The following FMNL2 variants were observed in gnomAD, a reference collection of about 807,000 sequenced individuals.
FMNL2 encodes formin like 2, also known as formin-like protein 2.
A neutral mutation model predicts 130.2 loss-of-function variants in FMNL2; 51 were observed. The ratio of observed to expected loss-of-function variants is 0.39; its 90% CI spans 0.31 to 0.49. FMNL2 has a LOEUF of 0.49. Ranked by LOEUF, FMNL2 falls within the 20% of genes least tolerant of loss-of-function variation. FMNL2 has a pLI of 0.85. For missense variants in FMNL2, 977 were observed against 1,316.2 expected (o/e 0.74, Z 3.99); for synonymous variants, 465 against 467.1 (o/e 1.00, Z 0.06).
At position 152,542,761 on chromosome 2, in the gene FMNL2, C is replaced by G. The variant is rs1376882481; in HGVS notation, c.224C>G (p.Pro75Arg). 2 of 1,613,868 alleles carry G rather than the reference C, an allele frequency of 1.2e-6. No individual in the cohort carries two copies. Among genetic ancestry groups the G allele is most frequent in the African/African-American group, 2.7e-5 (2 of 74,896 alleles). Residue 75 changes from proline to arginine, a missense_variant, in exon 3 of 26, where the codon CCT (proline) becomes CGT (arginine). Physicochemically the swap from Pro to Arg is moderately radical, Grantham distance 103. Around this residue, in one of 4 missense-constraint regions of FMNL2, gnomAD observed 117 missense variants for 134.9 expected, o/e 0.87. Coordinates refer to ENST00000288670, the MANE Select transcript of FMNL2 (RefSeq NM_052905.4). ...CAGGAACGATTCCAGGTGAAGAATCCTCCCCATACATACATTCAAAAGCTC... is the reference window on the plus strand; with the variant it reads ...CAGGAACGATTCCAGGTGAAGAATCGTCCCCATACATACATTCAAAAGCTC... Reference protein sequence around the residue: ...CDQERFQVKNPPHTYIQKLKG... With the variant: ...CDQERFQVKNRPHTYIQKLKG...
chr2:152,537,285 G>A (rs933837986), intron 2 of FMNL2, among the ~76,000 whole-genome samples: 17 of 152,210 alleles, frequency 1.1e-4, no homozygotes, highest in Non-Finnish European at 2.1e-4. Flanking sequence ...GGTTGCAGTA[G>A]ACTTGGTCAT....
intron 12 of FMNL2, among the ~76,000 whole-genome samples, chr2:152,615,613 T>A (rs1290844001): frequency 6.6e-6 from 1 of 152,174 alleles, no homozygotes; most frequent in Non-Finnish European, 1.5e-5. Context: ...CATAGACTGA[T>A]TTGAATATGA....
chr2:152,404,841 T>C (rs572486448), intron 1 of FMNL2, among the ~76,000 whole-genome samples: 84 of 152,288 alleles, frequency 5.5e-4, no homozygotes, highest in Non-Finnish European at 9.0e-4. Flanking sequence ...TTTTCTCCCA[T>C]GTTGAAATAA....
At chr2:152,480,711 A>G (rs1690470593) in intron 1 of FMNL2, among the ~76,000 whole-genome samples, 1 of 151,476 alleles carries the variant, frequency 6.6e-6, no homozygotes, top group Non-Finnish European at 1.5e-5. Flanking sequence ...AACTTTGGGG[A>G]TAATGCCCAT....
At chr2:152,440,416 T>G (rs550131221) in intron 1 of FMNL2, among the ~76,000 whole-genome samples, 1 of 152,372 alleles carries the variant, frequency 6.6e-6, no homozygotes, top group Non-Finnish European at 1.5e-5. Context: ...CCATAAATGC[T>G]AACATCTACT....
intron 4 of FMNL2, among the ~76,000 whole-genome samples, chr2:152,552,861 G>A (rs1579946262): frequency 1.3e-5 from 2 of 152,338 alleles, no homozygotes; most frequent in East Asian, 3.9e-4. Flanking sequence ...AGATTTACCA[G>A]CTTTATTCTA....
At chr2:152,601,625 C>T (rs1231175498) in intron 9 of FMNL2, among the ~76,000 whole-genome samples, 1 of 148,708 alleles carries the variant, frequency 6.7e-6, no homozygotes, top group Non-Finnish European at 1.5e-5. Context: ...GTATGGCTTG[C>T]AAACCAGTAG....
At chr2:152,340,534 A>G (rs912520893) in intron 1 of FMNL2, among the ~76,000 whole-genome samples, 2 of 152,216 alleles carry the variant, frequency 1.3e-5, no homozygotes, top group Admixed American at 1.3e-4. Flanking sequence ...TGGTCCAAAA[A>G]GGTGCTCTTC....
intron 1 of FMNL2, among the ~76,000 whole-genome samples, chr2:152,481,879 C>T (rs1365081565): frequency 6.6e-6 from 1 of 152,160 alleles, no homozygotes; most frequent in Non-Finnish European, 1.5e-5. Flanking sequence ...TAATGCTAGC[C>T]TGGGGATAAC....
chr2:152,364,445 T>G (rs2105831902), intron 1 of FMNL2, among the ~76,000 whole-genome samples: 1 of 152,300 alleles, frequency 6.6e-6, no homozygotes, highest in East Asian at 1.9e-4. Flanking sequence ...ATTGCCTGCC[T>G]TTGCATGTTG....
chr2:152,434,820 G>A (rs1035986689), intron 1 of FMNL2, among the ~76,000 whole-genome samples: 5 of 152,092 alleles, frequency 3.3e-5, no homozygotes, highest in Non-Finnish European at 7.4e-5. Flanking sequence ...TCCAGGGCCA[G>A]GACTTGGGTG....
chr2:152,507,611 C>T (rs991482366), intron 1 of FMNL2, among the ~76,000 whole-genome samples: 2 of 152,102 alleles, frequency 1.3e-5, no homozygotes, highest in Admixed American at 6.5e-5. Context: ...CTATGAACAT[C>T]GAGCAAGTAG....
chr2:152,593,253 A>G (rs1697531837), intron 9 of FMNL2, among the ~76,000 whole-genome samples: 1 of 152,158 alleles, frequency 6.6e-6, no homozygotes, highest in Non-Finnish European at 1.5e-5. Context: ...AAACAAACAA[A>G]CAAACAAACA....
intron 10 of FMNL2, among the ~76,000 whole-genome samples, chr2:152,610,195 A>T (rs1698601013): frequency 6.6e-6 from 1 of 152,196 alleles, no homozygotes; most frequent in Non-Finnish European, 1.5e-5. Context: ...ATTGTAGGTG[A>T]TTTAAATGTT....
chr2:152,344,534 G>A (rs1682002474), intron 1 of FMNL2, among the ~76,000 whole-genome samples: 1 of 152,120 alleles, frequency 6.6e-6, no homozygotes, highest in South Asian at 2.1e-4. Context: ...CAGAAGAAAA[G>A]GATAAATCCT....
intron 1 of FMNL2, among the ~76,000 whole-genome samples, chr2:152,416,883 T>C (rs1475637953): frequency 1.3e-5 from 2 of 152,226 alleles, no homozygotes. Flanking sequence ...AGGTAATTAA[T>C]TAGAGCAGCC....
intron 7 of FMNL2, among the ~76,000 whole-genome samples, chr2:152,578,277 C>A (rs1240300735): frequency 6.6e-6 from 1 of 152,084 alleles, no homozygotes; most frequent in Non-Finnish European, 1.5e-5. Flanking sequence ...GGGTACTGAT[C>A]CCTGGTGTAG....
chr2:152,467,388 T>C (rs1303824088), intron 1 of FMNL2, among the ~76,000 whole-genome samples: 2 of 152,186 alleles, frequency 1.3e-5, no homozygotes, highest in African/African-American at 4.8e-5. Flanking sequence ...AAATACCGTA[T>C]GTGCTTACAC....
At chr2:152,432,839 G>A (rs1271387099) in intron 1 of FMNL2, among the ~76,000 whole-genome samples, 3 of 152,198 alleles carry the variant, frequency 2.0e-5, no homozygotes, top group Non-Finnish European at 4.4e-5. Flanking sequence ...GAAGCTCCAG[G>A]ATCCATCTCC....
Sources: gnomAD v4.1 joint callset for allele counts (sites outside exome capture counted in the v4.1 genomes callset) on GRCh38, gnomAD v4.1.1 for gene constraint, gnomAD v4.1.1 regional missense constraint, MANE v1.5 for transcripts, NCBI Gene and HGNC (gene_info 2026-07-23, HGNC 2026-07-21) for gene names.